PCDH9: variants seen among roughly 807,000 people sequenced by gnomAD.
The protein encoded by PCDH9 is protocadherin 9.
In PCDH9, 24 loss-of-function variants were observed where a neutral mutation model predicts 70.6. The observed-to-expected ratio is 0.34, with a 90% CI of 0.25 to 0.48. The LOEUF (loss-of-function observed/expected upper bound fraction) is 0.48, where lower values mean the gene tolerates loss of function less well. Among genes scored for constraint, PCDH9 ranks in the 20% least tolerant of loss-of-function variants. PCDH9 has a pLI of 0.99. For synonymous variants in PCDH9, 562 were observed against 558.5 expected (o/e 1.01, Z -0.09); for missense variants, 1,281 against 1,503.6 (o/e 0.85, Z 2.45).
chr13:66,728,419 G>A (rs1247235008), intron 3 of PCDH9, among the ~76,000 whole-genome samples: 8 of 152,038 alleles, frequency 5.3e-5, no homozygotes, highest in African/African-American at 1.4e-4. Flanking sequence ...AAATGTATCC[G>A]TTTCCGAATG....
intron 4 of PCDH9, among the ~76,000 whole-genome samples, chr13:66,343,033 A>G (rs1481289738): frequency 6.6e-6 from 1 of 152,116 alleles, no homozygotes; most frequent in Non-Finnish European, 1.5e-5. Flanking sequence ...CACTCCCCAA[A>G]TAAACAAGCA....
chr13:67,038,446 T>C (rs1220239323), intron 2 of PCDH9, among the ~76,000 whole-genome samples: 1 of 152,136 alleles, frequency 6.6e-6, no homozygotes, highest in Non-Finnish European at 1.5e-5. Context: ...TAAATATGTA[T>C]ATGTATTTAG....
chr13:67,117,337 C>G (rs550270037), intron 2 of PCDH9, among the ~76,000 whole-genome samples: 37 of 152,256 alleles, frequency 2.4e-4, no homozygotes, highest in Middle Eastern at 3.4e-3. Flanking sequence ...GCACTATTGT[C>G]CTTCTTGAAG....
rs74611778 is a variant in PCDH9 at position 66,831,858 on chromosome 13, A to T, written c.3138+71646T>A. On this transcript the variant is annotated intron_variant, in intron 3 of 4. Transcript: ENST00000377865. ...GATGACACTCAGCATCTGGGACAAC[A>T]CTGTTTATAGAATTACAAGTCACAA... is the stretch of plus-strand genomic sequence containing the variant. 2.7e-4 allele frequency among the ~76,000 whole-genome samples: 40 copies of T among 148,750 alleles called. No individual in the cohort carries two copies. The East Asian group carries it at 7.6e-3, about 28-fold the overall frequency.
intron 3 of PCDH9, among the ~76,000 whole-genome samples, chr13:66,700,935 T>A (rs9529121): frequency 3.1e-5 from 3 of 97,272 alleles, no homozygotes; most frequent in African/African-American, 8.6e-5. Flanking sequence ...TATATATATA[T>A]ATATATATAT....
At chr13:66,683,359 T>C (rs1274965758) in intron 3 of PCDH9, among the ~76,000 whole-genome samples, 1 of 152,198 alleles carries the variant, frequency 6.6e-6, no homozygotes, top group Non-Finnish European at 1.5e-5. Flanking sequence ...CCACATTGCC[T>C]TCAATAGCAA....
chr13:67,003,105 T>G (rs1383809450), intron 2 of PCDH9, among the ~76,000 whole-genome samples: 1 of 152,138 alleles, frequency 6.6e-6, no homozygotes, highest in Non-Finnish European at 1.5e-5. Context: ...AGTCTCCCAA[T>G]CAAACTGGTT....
intron 4 of PCDH9, among the ~76,000 whole-genome samples, chr13:66,326,036 G>C (rs1955836631): frequency 6.6e-6 from 1 of 152,004 alleles, no homozygotes; most frequent in African/African-American, 2.4e-5. Context: ...CCTCCATCCA[G>C]TTTCGGGTTG....
At chr13:66,738,474 G>C (rs9571641) in intron 3 of PCDH9, among the ~76,000 whole-genome samples, 1 of 145,996 alleles carries the variant, frequency 6.8e-6, no homozygotes, top group East Asian at 2.1e-4. Context: ...CACCAGCAAC[G>C]GAACAAAGCT....
chr13:66,455,466 A>G (rs999661939), intron 4 of PCDH9, among the ~76,000 whole-genome samples: 3 of 152,054 alleles, frequency 2.0e-5, no homozygotes, highest in African/African-American at 7.2e-5. Flanking sequence ...AATCAAGGAC[A>G]AACTATTATG....
chr13:67,020,282 T>A (rs188708271), intron 2 of PCDH9, among the ~76,000 whole-genome samples: 105 of 152,332 alleles, frequency 6.9e-4, no homozygotes, highest in Middle Eastern at 6.8e-3. Flanking sequence ...TATGTATGAC[T>A]TATGCCAACA....
intron 3 of PCDH9, among the ~76,000 whole-genome samples, chr13:66,796,351 G>GAAC (rs2080240814): frequency 6.6e-6 from 1 of 152,104 alleles, no homozygotes; most frequent in African/African-American, 2.4e-5. Context: ...GCCTACCATG[G>GAAC]AACAACATGT....
At chr13:67,188,849 T>C (rs1311401882) in intron 2 of PCDH9, among the ~76,000 whole-genome samples, 2 of 152,174 alleles carry the variant, frequency 1.3e-5, no homozygotes, top group East Asian at 3.9e-4. Context: ...GAGTAAGTTC[T>C]TTAGTGGTGA....
intron 4 of PCDH9, among the ~76,000 whole-genome samples, chr13:66,549,246 G>A (rs752168338): frequency 2.0e-5 from 3 of 152,044 alleles, no homozygotes; most frequent in Non-Finnish European, 2.9e-5. Flanking sequence ...CAGCATTTTC[G>A]GTTAGCTTTT....
intron 4 of PCDH9, among the ~76,000 whole-genome samples, chr13:66,546,264 G>A (rs1371491835): frequency 6.6e-6 from 1 of 152,044 alleles, no homozygotes; most frequent in East Asian, 1.9e-4. Context: ...GGAGATGACA[G>A]CACACACATG....
chr13:66,686,013 G>C (rs1433150595), intron 3 of PCDH9, among the ~76,000 whole-genome samples: 1 of 152,164 alleles, frequency 6.6e-6, no homozygotes, highest in Admixed American at 6.5e-5. Flanking sequence ...TGGGTTAATG[G>C]TGGAATGCGC....
At chr13:67,191,529 T>G (rs2088914509) in intron 2 of PCDH9, among the ~76,000 whole-genome samples, 2 of 152,096 alleles carry the variant, frequency 1.3e-5, no homozygotes, top group African/African-American at 4.8e-5. Flanking sequence ...TCGTATAAAG[T>G]TAGGAACACA....
intron 4 of PCDH9, among the ~76,000 whole-genome samples, chr13:66,312,546 G>A (rs751972691): frequency 5.9e-5 from 9 of 151,556 alleles, no homozygotes; most frequent in Admixed American, 1.3e-4. Flanking sequence ...GGGAGATTGA[G>A]GCTGCAGTGA....
At chr13:66,726,306 T>C (rs547084375) in intron 3 of PCDH9, among the ~76,000 whole-genome samples, 153 of 152,256 alleles carry the variant, frequency 1.0e-3, no homozygotes, top group African/African-American at 3.5e-3. Flanking sequence ...GGAAGCAGCA[T>C]TGAAGACAAA....
Sources: gnomAD v4.1 joint callset for allele counts (sites outside exome capture counted in the v4.1 genomes callset) on GRCh38, gnomAD v4.1.1 for gene constraint, MANE v1.5 for transcripts, NCBI Gene and HGNC (gene_info 2026-07-23, HGNC 2026-07-21) for gene names.